Variants in CDK5RAP2 observed in about 807,000 individuals in gnomAD.
The protein encoded by CDK5RAP2 is CDK5 regulatory subunit-associated protein 2.
CDK5RAP2 carries 147 observed loss-of-function variants against 232.9 expected under a neutral mutation model. That is an observed-to-expected ratio of 0.63 (90% CI 0.55 to 0.72). CDK5RAP2 has a LOEUF of 0.72. Among genes scored for constraint, CDK5RAP2 ranks in the 30% least tolerant of loss-of-function variants. CDK5RAP2 has a pLI of 0.00. For synonymous variants in CDK5RAP2, 833 were observed against 833.7 expected (o/e 1.00, Z 0.01); for missense variants, 2,195 against 2,231.5 (o/e 0.98, Z 0.33).
At chr9:120,525,103 C>A in intron 10 of CDK5RAP2, 25 bp from the exon 11 acceptor site, 1 of 1,565,630 alleles carries the variant, frequency 6.4e-7, no homozygotes, top group East Asian at 2.2e-5. Flanking sequence ...TGAATACCAG[C>A]CAAGTATGTA....
At chr9:120,575,594 C>T (rs543429172) in intron 1 of CDK5RAP2, among the ~76,000 whole-genome samples, 65 of 146,866 alleles carry the variant, frequency 4.4e-4, no homozygotes, top group African/African-American at 1.8e-3. Flanking sequence ...AACGATTACA[C>T]AAACAAACTC....
intron 34 of CDK5RAP2, 149 bp from the exon 35 acceptor site, chr9:120,401,034 G>A (rs533585526): frequency 8.2e-6 from 6 of 734,916 alleles, no homozygotes; most frequent in South Asian, 1.8e-5. Context: ...CCAATTTATT[G>A]TTCTTAAAGA....
intron 35 of CDK5RAP2, 88 bp from the exon 36 acceptor site, chr9:120,394,726 T>C: frequency 9.0e-7 from 1 of 1,106,498 alleles, no homozygotes; most frequent in South Asian, 1.3e-5. Flanking sequence ...AAAAAGATGA[T>C]GCTCAACCTC....
chr9:120,460,527 T>C (rs374849712), intron 19 of CDK5RAP2, 45 bp downstream of exon 19: 504 of 1,565,860 alleles, frequency 3.2e-4, no homozygotes, highest in Admixed American at 8.0e-4. Flanking sequence ...GATTTGGACA[T>C]AGAGTGGAGT....
At chr9:120,516,680 T>C (rs996366721) in intron 12 of CDK5RAP2, among the ~76,000 whole-genome samples, 4 of 151,958 alleles carry the variant, frequency 2.6e-5, no homozygotes, top group African/African-American at 9.7e-5. Flanking sequence ...AAAAATTAAA[T>C]TAGCTGGGCA....
intron 14 of CDK5RAP2, 62 bp downstream of exon 14, chr9:120,487,232 T>C (rs192306917): frequency 1.1e-5 from 18 of 1,565,394 alleles, no homozygotes; most frequent in Non-Finnish European, 1.5e-5. Flanking sequence ...AGTTATCAAA[T>C]ATGTTTCAAA....
chr9:120,530,985 A>G lies in CDK5RAP2; in HGVS notation c.663-845T>C, dbSNP rs186792992. On this transcript the variant is annotated intron_variant, in intron 7 of 37. Coordinates refer to ENST00000349780, the MANE Select transcript of CDK5RAP2 (RefSeq NM_018249.6). ...ACAAACCTGCATGTTGTGCACATGT[A>G]CCCTAAAACAAAGTATAATTTTTAA... is the stretch of plus-strand genomic sequence containing the variant. Among the ~76,000 whole-genome samples the G allele has an allele frequency of 5.9e-3, 897 of 152,090 alleles. 12 individuals carry two copies. Among genetic ancestry groups the G allele is most frequent in the African/African-American group, 0.02 (847 of 41,448 alleles).
At chr9:120,548,090 A>G (rs2041915391) in intron 4 of CDK5RAP2, among the ~76,000 whole-genome samples, 1 of 152,232 alleles carries the variant, frequency 6.6e-6, no homozygotes, top group Non-Finnish European at 1.5e-5. Flanking sequence ...ACAGGGCTCA[A>G]AATAGGTTAT....
chr9:120,579,969 A>G lies in CDK5RAP2; in HGVS notation c.10T>C (p.Leu4=), dbSNP rs765434861. MMD[L]VLEEDVTVPG... ...ACGGTGACGTCCTCTTCCAACACCA[A>G]GTCCATCATGGCTACAGAGGTGGCG... The change falls in exon 1 of 38, where the codon TTG becomes CTG. Residue 4 remains leucine (L), a synonymous_variant. Coordinates refer to ENST00000349780, the MANE Select transcript of CDK5RAP2 (RefSeq NM_018249.6). The G allele has an allele frequency of 3.7e-6, 6 of 1,611,126 alleles. No homozygotes were observed. The highest frequency in any genetic ancestry group is 4.5e-5 in the East Asian group (2 of 44,854).
At chr9:120,489,376 T>C (rs1281157552) in intron 13 of CDK5RAP2, among the ~76,000 whole-genome samples, 1 of 152,234 alleles carries the variant, frequency 6.6e-6, no homozygotes, top group African/African-American at 2.4e-5. Flanking sequence ...CCTTTCAATG[T>C]AGAAATAGTT....
chr9:120,396,531 G>A (rs898439883), intron 35 of CDK5RAP2, among the ~76,000 whole-genome samples: 1 of 152,158 alleles, frequency 6.6e-6, no homozygotes, highest in Non-Finnish European at 1.5e-5. Context: ...AGTTGACCTG[G>A]CACTTCTTTT....
chr9:120,489,927 C>G (rs2038811270), intron 13 of CDK5RAP2, among the ~76,000 whole-genome samples: 1 of 152,064 alleles, frequency 6.6e-6, no homozygotes, highest in African/African-American at 2.4e-5. Flanking sequence ...CCTGCCTCAG[C>G]CTCCCGAGTA....
chr9:120,564,505 T>A (rs4836824), intron 3 of CDK5RAP2, among the ~76,000 whole-genome samples: 138,846 of 144,166 alleles, frequency 0.96, 67,117 homozygotes, highest in East Asian at 1. Context: ...AATAAAAAAA[T>A]AAAAAATCAT....
At chr9:120,420,097 C>A in intron 26 of CDK5RAP2, 137 bp from the exon 27 acceptor site, 1 of 727,328 alleles carries the variant, frequency 1.4e-6, no homozygotes, top group South Asian at 1.5e-5. Flanking sequence ...CCTTTTATTT[C>A]CCTACAGCAT....
intron 12 of CDK5RAP2, among the ~76,000 whole-genome samples, chr9:120,507,937 AAAAAAATATAT>A (rs1564313727): frequency 1.9e-5 from 1 of 51,368 alleles, no homozygotes; most frequent in Non-Finnish European, 4.1e-5. Context: ...AAAAAAAAAA[AAAAAAATATAT>A]ATATATATAT....
rs185196142 is a variant in CDK5RAP2, at chr9:120,432,586, A to C, written c.3955+4709T>G. Among the ~76,000 whole-genome samples the C allele has an allele frequency of 7.0e-3, 1,062 of 152,344 alleles. 11 individuals are homozygous for C. Among genetic ancestry groups the C allele is most frequent in the Non-Finnish European group, 9.0e-3 (609 of 68,044 alleles). ...CCTCTGTGTTACATTTTAGTCCCCA[A>C]GAAAAGGAGCTGTGGTGAGGTTTCT... On this transcript the variant is annotated intron_variant, in intron 25 of 37. Coordinates refer to ENST00000349780, the MANE Select transcript of CDK5RAP2 (RefSeq NM_018249.6).
chr9:120,465,885 C>T (rs1228328492), intron 18 of CDK5RAP2, among the ~76,000 whole-genome samples: 1 of 152,134 alleles, frequency 6.6e-6, no homozygotes, highest in Non-Finnish European at 1.5e-5. Context: ...TTAGCAAGAA[C>T]AGGAGACAAA....
rs1237008315 is a variant in CDK5RAP2, at chr9:120,407,710, A to AT, written c.4727-463dup. On this transcript the variant is annotated intron_variant, in intron 31 of 37. Coordinates refer to ENST00000349780, the MANE Select transcript of CDK5RAP2 (RefSeq NM_018249.6). Reference sequence around the variant, plus strand: ...AGAAACCATCTGGAAAATTAGTAAAATAAAAAAAAAAAAAAAACACCTCAC... The same window carrying AT: ...AGAAACCATCTGGAAAATTAGTAAAATTAAAAAAAAAAAAAAAACACCTCAC... 1.4e-4 allele frequency: 13 copies of AT among 94,082 alleles called. No individual in the cohort carries two copies. In the South Asian group the frequency reaches 2.6e-3, roughly 19 times the overall value. 5.8% of individuals were successfully genotyped at this position (94,082 alleles called of 1,614,324 possible).
chr9:120,440,001 T>A, intron 23 of CDK5RAP2, 29 bp from the exon 24 acceptor site: 2 of 1,592,936 alleles, frequency 1.3e-6, no homozygotes, highest in Non-Finnish European at 1.7e-6. Context: ...TATGTCAGTA[T>A]CTCTTTTACT....
Sources: allele counts gnomAD v4.1 joint callset (sites outside exome capture counted in the v4.1 genomes callset), GRCh38; gene constraint gnomAD v4.1.1; transcripts MANE v1.5; gene names NCBI Gene and HGNC (gene_info 2026-07-23, HGNC 2026-07-21).